Variants in AKAP6 observed in about 807,000 individuals in gnomAD.
AKAP6 encodes A-kinase anchor protein 6.
A neutral mutation model predicts 188.5 loss-of-function variants in AKAP6; 58 were observed. The ratio of observed to expected loss-of-function variants is 0.31; its 90% CI spans 0.25 to 0.38. The LOEUF (loss-of-function observed/expected upper bound fraction) is 0.38. AKAP6 is among the 10% of genes least tolerant of loss of function. The probability of loss-of-function intolerance (pLI) is 1.00; values close to 1 mark genes in which losing one functional copy is unlikely to be tolerated. For missense variants in AKAP6, 2,710 were observed against 2,740.0 expected (o/e 0.99, Z 0.24); for synonymous variants, 989 against 998.6 (o/e 0.99, Z 0.18).
intron 2 of AKAP6, among the ~76,000 whole-genome samples, chr14:32,510,477 C>CACAT (rs1881194722): frequency 5.5e-5 from 4 of 72,922 alleles, no homozygotes; most frequent in African/African-American, 1.9e-4. Context: ...TATATATATA[C>CACAT]ATATATATAT....
chr14:32,355,478 C>A (rs767662844), intron 1 of AKAP6, among the ~76,000 whole-genome samples: 1 of 152,162 alleles, frequency 6.6e-6, no homozygotes, highest in African/African-American at 2.4e-5. Context: ...GACGGGGAGG[C>A]CTCTAAATCC....
At chr14:32,532,483 C>G (rs1882466108) in intron 2 of AKAP6, among the ~76,000 whole-genome samples, 1 of 152,138 alleles carries the variant, frequency 6.6e-6, no homozygotes, top group Non-Finnish European at 1.5e-5. Flanking sequence ...AATCTTGACC[C>G]ATGACCTTGT....
At chr14:32,368,342 C>G (rs2138510727) in intron 1 of AKAP6, among the ~76,000 whole-genome samples, 1 of 152,256 alleles carries the variant, frequency 6.6e-6, no homozygotes, top group South Asian at 2.1e-4. Flanking sequence ...AGACATTGTA[C>G]TGGGTGCTGG....
At chr14:32,408,005 T>A (rs1195721114) in intron 1 of AKAP6, among the ~76,000 whole-genome samples, 1 of 152,212 alleles carries the variant, frequency 6.6e-6, no homozygotes, top group African/African-American at 2.4e-5. Context: ...ATGATTAGGC[T>A]CTTTCTAGGG....
chr14:32,341,568 T>C (rs1314597193), intron 1 of AKAP6, among the ~76,000 whole-genome samples: 1 of 152,192 alleles, frequency 6.6e-6, no homozygotes, highest in Admixed American at 6.5e-5. Context: ...GATTGGGGAT[T>C]GAATTCTGCT....
intron 12 of AKAP6, among the ~76,000 whole-genome samples, chr14:32,788,367 T>C (rs2140044601): frequency 6.6e-6 from 1 of 152,286 alleles, no homozygotes; most frequent in South Asian, 2.1e-4. Flanking sequence ...AGGTTCAAGA[T>C]GGCCAATTAG....
intron 3 of AKAP6, among the ~76,000 whole-genome samples, chr14:32,541,403 A>G (rs1236432686): frequency 6.6e-6 from 1 of 152,024 alleles, no homozygotes; most frequent in Non-Finnish European, 1.5e-5. Context: ...CTCGAGCAAG[A>G]CAGTACCCTG....
At chr14:32,394,914 C>A (rs565873454) in intron 1 of AKAP6, among the ~76,000 whole-genome samples, 19 of 152,034 alleles carry the variant, frequency 1.2e-4, no homozygotes, top group Non-Finnish European at 2.2e-4. Flanking sequence ...ACAAATTGTG[C>A]GTGTAAATAA....
chr14:32,708,411 G>GAA (rs34530435), intron 9 of AKAP6, among the ~76,000 whole-genome samples: 1 of 151,346 alleles, frequency 6.6e-6, no homozygotes. Flanking sequence ...AAGAGAGAGA[G>GAA]AGAGAATGAG....
At chr14:32,512,409 T>C (rs1881306447) in intron 2 of AKAP6, among the ~76,000 whole-genome samples, 1 of 152,190 alleles carries the variant, frequency 6.6e-6, no homozygotes, top group African/African-American at 2.4e-5. Context: ...TCTGGAGGTT[T>C]AGAAAGTGCA....
chr14:32,485,341 C>T (rs1005390298), intron 2 of AKAP6, among the ~76,000 whole-genome samples: 1 of 152,020 alleles, frequency 6.6e-6, no homozygotes, highest in Non-Finnish European at 1.5e-5. Flanking sequence ...AATGGGACTG[C>T]TGGGTCAAAT....
chr14:32,816,281 C>T (rs1268396676), intron 12 of AKAP6, among the ~76,000 whole-genome samples: 1 of 152,116 alleles, frequency 6.6e-6, no homozygotes, highest in Non-Finnish European at 1.5e-5. Flanking sequence ...CAGTGTTGAA[C>T]TCGTGGCCTC....
At chr14:32,365,444 G>A (rs1252022940) in intron 1 of AKAP6, among the ~76,000 whole-genome samples, 1 of 152,142 alleles carries the variant, frequency 6.6e-6, no homozygotes, top group African/African-American at 2.4e-5. Flanking sequence ...GACCTGTCAA[G>A]CTTTCCTTTG....
At chr14:32,791,358 C>T (rs959322414) in intron 12 of AKAP6, among the ~76,000 whole-genome samples, 5 of 152,326 alleles carry the variant, frequency 3.3e-5, no homozygotes, top group Non-Finnish European at 7.3e-5. Flanking sequence ...TTGCATTTCT[C>T]TAATGGCCAA....
chr14:32,494,562 T>C lies in AKAP6; in HGVS notation c.325-40992T>C, dbSNP rs139968409. Among the ~76,000 whole-genome samples, 22 of 152,258 alleles carry C rather than the reference T, an allele frequency of 1.4e-4. No homozygotes were observed. In the East Asian group the frequency reaches 1.7e-3, roughly 12 times the overall value. ...TTATGAAAAATGCTTAGAGTATTCT[T>C]GTATTTATAGTTTTCTCTATGAAGG... On this transcript the variant is annotated intron_variant, in intron 2 of 13. Transcript: ENST00000280979.
intron 1 of AKAP6, among the ~76,000 whole-genome samples, chr14:32,388,990 A>G (rs1340411674): frequency 6.6e-6 from 1 of 151,850 alleles, no homozygotes. Context: ...TGTCTATCTC[A>G]TTTCTTAGGT....
intron 5 of AKAP6, among the ~76,000 whole-genome samples, chr14:32,582,886 T>G (rs1885046361): frequency 6.6e-6 from 1 of 152,132 alleles, no homozygotes; most frequent in Non-Finnish European, 1.5e-5. Flanking sequence ...AGTTATACAT[T>G]CGTCTAAATT....
At chr14:32,751,098 T>G (rs1350780978) in intron 11 of AKAP6, among the ~76,000 whole-genome samples, 1 of 152,162 alleles carries the variant, frequency 6.6e-6, no homozygotes, top group East Asian at 1.9e-4. Context: ...TAAATAATTT[T>G]TTTTAATGAA....
intron 4 of AKAP6, among the ~76,000 whole-genome samples, chr14:32,569,614 T>C (rs929729259): frequency 7.2e-5 from 11 of 152,358 alleles, no homozygotes; most frequent in Admixed American, 1.3e-4. Flanking sequence ...AATCTAAATC[T>C]AGTCATTTTA....
Sources: allele counts gnomAD v4.1 joint callset (sites outside exome capture counted in the v4.1 genomes callset), GRCh38; gene constraint gnomAD v4.1.1; transcripts MANE v1.5; gene names NCBI Gene and HGNC (gene_info 2026-07-23, HGNC 2026-07-21).